The following FOXO3B variants were observed in gnomAD, a reference collection of about 807,000 sequenced individuals.
The protein encoded by FOXO3B is forkhead box protein O3B.
FOXO3B carries 15 observed loss-of-function variants against 21.9 expected under a neutral mutation model. The observed-to-expected ratio is 0.68, with a 90% CI of 0.46 to 1.05. The LOEUF is 1.05. Among genes scored for constraint, FOXO3B ranks in the 50% least tolerant of loss-of-function variants. FOXO3B has a pLI of 0.00. For synonymous variants in FOXO3B, 135 were observed against 213.6 expected (o/e 0.63, Z 3.21); for missense variants, 293 against 435.5 (o/e 0.67, Z 2.91).
Position 18,679,388 on chromosome 17 carries a change from T to C in FOXO3B, c.126+1353A>G, listed in dbSNP as rs190112474. Among the ~76,000 whole-genome samples, 95 of 151,058 alleles carry C rather than the reference T, an allele frequency of 6.3e-4. No homozygotes were observed. The East Asian group carries it at 0.015, about 24-fold the overall frequency. On this transcript the variant is annotated intron_variant, in intron 3 of 3. Coordinates refer to ENST00000395675, the MANE Select transcript of FOXO3B (RefSeq NM_001368135.1). Reference sequence around the variant, plus strand: ...TTACAGAAGCAAAGAGAAAGGCTGATTGAGGAATCTCTGGGTTGTGGTATG... The same window carrying C: ...TTACAGAAGCAAAGAGAAAGGCTGACTGAGGAATCTCTGGGTTGTGGTATG...
intron 3 of FOXO3B, chr17:18,677,842 G>A (rs1489325134): frequency 1.7e-6 from 2 of 1,155,902 alleles, no homozygotes; most frequent in Non-Finnish European, 2.4e-6. Context: ...TTTAAATTAT[G>A]GCTGGGGTCG....
At position 18,671,682 on chromosome 17, in the gene FOXO3B, G is replaced by T. The variant is rs908043068; in HGVS notation, c.*627C>A. 1.2e-6 allele frequency: 2 copies of T among 1,613,748 alleles called. No homozygotes were observed. Among genetic ancestry groups the T allele is most frequent in the East Asian group, 4.5e-5 (2 of 44,882 alleles). ...CAGGCCCGAGCCCTTGGTGGTATAC[G>T]GGAAGCTAGAACTCCGCTGCATGAG... On this transcript the variant is annotated 3_prime_UTR_variant, in exon 4 of 4. Coordinates refer to ENST00000395675, the MANE Select transcript of FOXO3B (RefSeq NM_001368135.1).
At chr17:18,675,616 C>T (rs1450338001) in intron 3 of FOXO3B, among the ~76,000 whole-genome samples, 1 of 152,024 alleles carries the variant, frequency 6.6e-6, no homozygotes, top group Non-Finnish European at 1.5e-5. Context: ...GTAAATAAAA[C>T]AGTCTGGTAT....
chr17:18,676,134 G>C (rs199510454), intron 3 of FOXO3B, among the ~76,000 whole-genome samples: 6 of 152,170 alleles, frequency 3.9e-5, no homozygotes, highest in African/African-American at 1.4e-4. Context: ...TAACTCACAA[G>C]AAACTTGAAT....
At chr17:18,675,920 G>A (rs928004331) in intron 3 of FOXO3B, among the ~76,000 whole-genome samples, 2 of 152,100 alleles carry the variant, frequency 1.3e-5, no homozygotes, top group East Asian at 3.8e-4. Flanking sequence ...AAAAAAATTT[G>A]TTATTAAAAA....
chr17:18,676,667 G>T (rs2032489422), intron 3 of FOXO3B, among the ~76,000 whole-genome samples: 1 of 151,744 alleles, frequency 6.6e-6, no homozygotes, highest in African/African-American at 2.4e-5. Context: ...TACTTCTAGG[G>T]GAGAAAGAGA....
chr17:18,679,723 C>T (rs2032551424), intron 3 of FOXO3B, among the ~76,000 whole-genome samples: 1 of 152,138 alleles, frequency 6.6e-6, no homozygotes, highest in Admixed American at 6.5e-5. Flanking sequence ...GCTGGGATTA[C>T]AGGCATGAGC....
intron 3 of FOXO3B, among the ~76,000 whole-genome samples, chr17:18,676,943 TC>T (rs1233863514): frequency 6.6e-6 from 1 of 152,258 alleles, no homozygotes; most frequent in Non-Finnish European, 1.5e-5. Context: ...CCTCAGGTGA[TC>T]CACCCACCTT....
At position 18,668,010 on chromosome 17, in the gene FOXO3B, G is replaced by A. The variant is rs1297891883; in HGVS notation, c.*4299C>T. On this transcript the variant is annotated 3_prime_UTR_variant, in exon 4 of 4. Transcript: ENST00000395675. Reference sequence around the variant, plus strand: ...CTCAGAATGTGACATGGTGGCCAACGGCTGGCCTGTCCTGAAAGCAGGGTC... The same window carrying A: ...CTCAGAATGTGACATGGTGGCCAACAGCTGGCCTGTCCTGAAAGCAGGGTC... The A allele has an allele frequency of 3.3e-5, 5 of 152,260 alleles. No individual in the cohort carries two copies. The highest frequency in any genetic ancestry group is 4.8e-5 in the African/African-American group (2 of 41,448). 9.4% of individuals were successfully genotyped at this position (152,260 alleles called of 1,614,324 possible). A position where few individuals can be genotyped will look rare whatever the true frequency, so the allele number is the denominator to read the frequency against.
At chr17:18,676,610 A>G (rs1485377523) in intron 3 of FOXO3B, among the ~76,000 whole-genome samples, 1 of 152,254 alleles carries the variant, frequency 6.6e-6, no homozygotes, top group Non-Finnish European at 1.5e-5. Context: ...ATACACACAC[A>G]TACACAAACA....
chr17:18,675,249 C>A (rs1309384215), intron 3 of FOXO3B, among the ~76,000 whole-genome samples: 1 of 151,276 alleles, frequency 6.6e-6, no homozygotes, highest in Non-Finnish European at 1.5e-5. Context: ...ACATTTTAAG[C>A]AGCACTGAAA....
chr17:18,674,506 G>A (rs1345726406), intron 3 of FOXO3B, among the ~76,000 whole-genome samples: 1 of 150,400 alleles, frequency 6.6e-6, no homozygotes, highest in East Asian at 2.0e-4. Flanking sequence ...GGCACCTGTA[G>A]TCCCAGCTAC....
chr17:18,672,901 G>A lies in FOXO3B; in HGVS notation c.281C>T (p.Ala94Val). Reference protein sequence around the residue: ...AKMAEAPASPAPLSPLEVELD... With the variant: ...AKMAEAPASPVPLSPLEVELD... ...CTCCACTTCGAGCGGAGAAAGCGGG[G>A]CCGGGGAAGCCGGTGCCTCTGCCAT... Residue 94 changes from alanine (A) to valine (V), a missense_variant, in exon 4 of 4, where the codon GCC becomes GTC. Ala to Val is a moderately conservative substitution (Grantham distance 64). This residue lies in a region of FOXO3B where 251 missense variants were observed against 404.0 expected (regional missense o/e 0.62). Transcript: ENST00000395675. This position sits in a 1 kb window ranked among gnomAD's most constrained non-coding sequence, Gnocchi z 4.2. 1 of 1,551,264 alleles carries A rather than the reference G, an allele frequency of 6.4e-7. No individual in the cohort carries two copies. Among genetic ancestry groups the A allele is most frequent in the South Asian group, 1.2e-5 (1 of 84,426 alleles).
intron 3 of FOXO3B, among the ~76,000 whole-genome samples, chr17:18,675,292 CTT>C (rs955210560): frequency 2.0e-5 from 3 of 151,982 alleles, no homozygotes; most frequent in Non-Finnish European, 4.4e-5. Flanking sequence ...AAAAATTAAA[CTT>C]GTACATCAAA....
Position 18,671,125 on chromosome 17 carries a change from C to T in FOXO3B, c.*1184G>A, listed in dbSNP as rs987300363. The T allele has an allele frequency of 1.3e-5, 12 of 941,632 alleles. No homozygotes were observed. Among genetic ancestry groups the T allele is most frequent in the East Asian group, 2.4e-5 (1 of 41,370 alleles). The allele number at this position is 941,632 out of a possible 1,614,324, so 58.3% of individuals were successfully genotyped here. A position where few individuals can be genotyped will look rare whatever the true frequency, so the allele number is the denominator to read the frequency against. Reference sequence around the variant, plus strand: ...CTGGGGAACTTCTCATGGCCCATGACGGGCAGGTTTGCACTAGTTGAGTAC... The same window carrying T: ...CTGGGGAACTTCTCATGGCCCATGATGGGCAGGTTTGCACTAGTTGAGTAC... On this transcript the variant is annotated 3_prime_UTR_variant, in exon 4 of 4. Coordinates refer to ENST00000395675, the MANE Select transcript of FOXO3B (RefSeq NM_001368135.1).
At chr17:18,677,665 A>C (rs2032516412) in intron 3 of FOXO3B, 7 of 1,607,188 alleles carry the variant, frequency 4.4e-6, no homozygotes, top group Non-Finnish European at 5.9e-6. Flanking sequence ...GGAGGGGCTG[A>C]GGGTCCCATG....
At chr17:18,680,290 C>T (rs2032561469) in intron 3 of FOXO3B, among the ~76,000 whole-genome samples, 2 of 152,204 alleles carry the variant, frequency 1.3e-5, no homozygotes, top group Admixed American at 1.3e-4. Flanking sequence ...CATAGGCTTT[C>T]CTTTTCCAGT....
In FOXO3B at chr17:18,671,977, G is replaced by A. The variant is rs1441119721; in HGVS notation, c.*332C>T. The A allele has an allele frequency of 1.2e-6, 2 of 1,613,116 alleles. No homozygotes were observed. Among genetic ancestry groups the A allele is most frequent in the East Asian group, 2.2e-5 (1 of 44,860 alleles). On this transcript the variant is annotated 3_prime_UTR_variant, in exon 4 of 4. Coordinates refer to ENST00000395675, the MANE Select transcript of FOXO3B (RefSeq NM_001368135.1). ...CGACAGGCGGCCACTGACTGTGCTG[G>A]CGTTAGAATTGGTGCGTGAACGGAA... is the stretch of plus-strand genomic sequence containing the variant.
chr17:18,674,658 G>A (rs1221899121), intron 3 of FOXO3B, among the ~76,000 whole-genome samples: 2 of 146,546 alleles, frequency 1.4e-5, no homozygotes, highest in African/African-American at 5.2e-5. Context: ...GGAGATTACA[G>A]ACAAATGCAA....
Sources: gnomAD v4.1 joint callset for allele counts (sites outside exome capture counted in the v4.1 genomes callset) on GRCh38, gnomAD v4.1.1 for gene constraint, gnomAD v4.1.1 regional missense constraint, Gnocchi (gnomAD v3.1) non-coding constraint, MANE v1.5 for transcripts, NCBI Gene and HGNC (gene_info 2026-07-23, HGNC 2026-07-21) for gene names.